The following CD36 variants were observed in gnomAD, a reference collection of about 807,000 sequenced individuals.
CD36 encodes platelet glycoprotein 4.
Under a neutral mutation model 55.2 loss-of-function variants are expected in CD36, and 119 were observed. The observed-to-expected ratio is 2.15, with a 90% CI of 1.86 to 2.51. CD36 has a LOEUF of 2.51. Ranked by LOEUF, CD36 falls within the 30% of genes most tolerant of loss-of-function variation. The pLI, the probability that CD36 is intolerant of heterozygous loss-of-function variation, is 0.00. For synonymous variants in CD36, 186 were observed against 193.6 expected, an observed-to-expected ratio of 0.96 and a Z score of 0.33; for missense variants, 819 against 555.5, an observed-to-expected ratio of 1.47 and a Z score of -4.77.
At chr7:80,638,932 G>A (rs1794619563) in intron 1 of CD36, among the ~76,000 whole-genome samples, 186 bp downstream of exon 1, 1 of 151,862 alleles carries the variant, frequency 6.6e-6, no homozygotes, top group African/African-American at 2.4e-5. Flanking sequence ...TTATTTTCAA[G>A]TTATCAACCT....
chr7:80,635,049 A>G (rs976961634), upstream of CD36, among the ~76,000 whole-genome samples: 2 of 152,166 alleles, frequency 1.3e-5, no homozygotes, highest in Non-Finnish European at 1.5e-5. Context: ...ATTGTTACAA[A>G]TGTTTTAAAA....
In CD36 at chr7:80,678,342, ATAACT is replaced by A. The variant is rs1465909053; in HGVS notation, c.*1963_*1967del. The A allele has an allele frequency of 2.0e-5, 3 of 152,182 alleles. No individual in the cohort carries two copies. The highest frequency in any genetic ancestry group is 6.5e-5 in the Admixed American group (1 of 15,268). The allele number at this position is 152,182 out of a possible 1,614,324, so 9.4% of individuals were successfully genotyped here. A position where few individuals can be genotyped will look rare whatever the true frequency, so the allele number is the denominator to read the frequency against. ...AACCACAGAATTATAGCAGGTATTC[ATAACT>A]TAAGTTTGAAAATCAATAGCGTCTG... is the stretch of plus-strand genomic sequence containing the variant. On this transcript the variant is annotated 3_prime_UTR_variant, in exon 15 of 15. Coordinates refer to ENST00000447544, the MANE Select transcript of CD36 (RefSeq NM_001001548.3).
chr7:80,625,800 T>C (rs1793708683), intron 1 of CD36, among the ~76,000 whole-genome samples: 1 of 152,164 alleles, frequency 6.6e-6, no homozygotes, highest in African/African-American at 2.4e-5. Context: ...TAAATGACTG[T>C]CTCTAAAGAA....
At chr7:80,671,545 C>A (rs889490653) in intron 10 of CD36, among the ~76,000 whole-genome samples, 6 of 151,964 alleles carry the variant, frequency 3.9e-5, no homozygotes, top group Admixed American at 2.6e-4. Context: ...TCTGTCCTAA[C>A]TTTTTTCACT....
chr7:80,670,722 C>G (rs1374406120), intron 9 of CD36: 1 of 475,312 alleles, frequency 2.1e-6, no homozygotes, highest in African/African-American at 1.9e-5. Flanking sequence ...TAAATATTTA[C>G]TCTATTGGAT....
chr7:80,667,747 G>GTTTTTTTTT lies in CD36; in HGVS notation c.748+1271_748+1279dup, dbSNP rs1165767460. 1.1e-3 allele frequency among the ~76,000 whole-genome samples: 87 copies of GTTTTTTTTT among 82,608 alleles called. 4 individuals are homozygous for GTTTTTTTTT. Among genetic ancestry groups the GTTTTTTTTT allele is most frequent in the African/African-American group, 2.5e-3 (61 of 24,104 alleles). The allele number at this position is 82,608 out of a possible 152,430, so 54.2% of individuals were successfully genotyped here. ...GTTGGATTTGCAGGGGTTTTCTTTT[G>GTTTTTTTTT]TTTTTTTTTTTTTTTTTTTTTGAGA... On this transcript the variant is annotated intron_variant, in intron 8 of 14. Transcript: ENST00000447544.
chr7:80,665,534 CACTTCTAAG>C (rs1209989874), intron 7 of CD36, among the ~76,000 whole-genome samples: 3 of 146,100 alleles, frequency 2.1e-5, no homozygotes, highest in Non-Finnish European at 4.7e-5. Flanking sequence ...GGGAAAAAAA[CACTTCTAAG>C]TATTCACTTA....
intron 8 of CD36, 87 bp from the exon 9 acceptor site, chr7:80,669,866 C>T (rs1797478983): frequency 2.2e-6 from 2 of 895,966 alleles, no homozygotes; most frequent in Non-Finnish European, 3.8e-6. Context: ...CATTACATTT[C>T]TATGGACTAC....
intron 4 of CD36, among the ~76,000 whole-genome samples, chr7:80,659,168 A>G (rs535067561): frequency 2.0e-5 from 3 of 152,304 alleles, no homozygotes; most frequent in South Asian, 4.1e-4. Context: ...TAGAAAAAAA[A>G]TTAACACTTT....
At chr7:80,665,103 G>A (rs3211912) in intron 7 of CD36, among the ~76,000 whole-genome samples, 4,083 of 151,932 alleles carry the variant, frequency 0.027, 87 homozygotes, top group African/African-American at 0.043. Flanking sequence ...AATATTTCAA[G>A]TGCAGTTCTA....
chr7:80,674,736 T>C (rs1183820881), intron 14 of CD36, among the ~76,000 whole-genome samples: 3 of 152,006 alleles, frequency 2.0e-5, no homozygotes, highest in Non-Finnish European at 4.4e-5. Context: ...AGGAAAACCT[T>C]TTTTTAGTTA....
At chr7:80,672,184 G>T in intron 11 of CD36, 144 bp downstream of exon 11, 1 of 668,786 alleles carries the variant, frequency 1.5e-6, no homozygotes, top group South Asian at 2.0e-5. Flanking sequence ...AACTTAGGTC[G>T]ATTTCTTCCT....
At chr7:80,652,052 A>T (rs1409250813) in intron 3 of CD36, among the ~76,000 whole-genome samples, 1 of 152,138 alleles carries the variant, frequency 6.6e-6, no homozygotes, top group African/African-American at 2.4e-5. Context: ...AAGCTCAAAA[A>T]TAAATGACTA....
intron 12 of CD36, 200 bp from the exon 13 acceptor site, chr7:80,673,155 C>CT (rs2116895954): frequency 2.0e-6 from 1 of 508,572 alleles, no homozygotes; most frequent in African/African-American, 2.0e-5. Flanking sequence ...AAAATCCACA[C>CT]TTGTGAAAAA....
chr7:80,660,282 T>A (rs1796418057), intron 4 of CD36, among the ~76,000 whole-genome samples: 1 of 152,176 alleles, frequency 6.6e-6, no homozygotes, highest in Non-Finnish European at 1.5e-5. Flanking sequence ...GTCAGGAGAT[T>A]AGAACTAGCA....
chr7:80,614,019 G>A (rs1166178992), intron 1 of CD36, among the ~76,000 whole-genome samples: 3 of 152,106 alleles, frequency 2.0e-5, no homozygotes, highest in Admixed American at 6.6e-5. Context: ...TATTTTGTAT[G>A]CCCGGCTTAG....
chr7:80,677,641 GTA>G lies in CD36; in HGVS notation c.*1259_*1260del. On this transcript the variant is annotated 3_prime_UTR_variant, in exon 15 of 15. Coordinates refer to ENST00000447544, the MANE Select transcript of CD36 (RefSeq NM_001001548.3). ...AGATATTAATATGTAAGATAACATT[GTA>G]GACATGTTCTTCTGATAATACAAGG... 6.6e-6 allele frequency: 1 copy of G among 152,272 alleles called. No individual in the cohort carries two copies. Among genetic ancestry groups the G allele is most frequent in the East Asian group, 1.9e-4 (1 of 5,172 alleles). 9.4% of individuals were successfully genotyped at this position (152,272 alleles called of 1,614,324 possible).
At chr7:80,632,358 C>T (rs1794127403) in intron 1 of CD36, among the ~76,000 whole-genome samples, 1 of 151,704 alleles carries the variant, frequency 6.6e-6, no homozygotes, top group African/African-American at 2.4e-5. Flanking sequence ...AACTTCACCC[C>T]ACAAGCTTTA....
chr7:80,673,395 CTTTGGCTTAATGAGGTTTGTA>C lies in CD36; in HGVS notation c.1245_1254+11del, dbSNP rs1797922353. On this transcript the variant is annotated splice_donor_variant and splice_donor_5th_base_variant and coding_sequence_variant and intron_variant, in exon 13 of 15. Transcript: ENST00000447544. LOFTEE classifies it high-confidence loss of function. Reference sequence around the variant, plus strand: ...GAAGAGGAACTATATTGTGCCTATTCTTTGGCTTAATGAGGTTTGTATTTGCAGCTGTTAGTCATTAAAAAC... The same window carrying C: ...GAAGAGGAACTATATTGTGCCTATTCTTTGCAGCTGTTAGTCATTAAAAAC... 2 of 1,569,072 alleles carry C rather than the reference CTTTGGCTTAATGAGGTTTGTA, an allele frequency of 1.3e-6. No homozygotes were observed. The highest frequency in any genetic ancestry group is 2.2e-5 in the South Asian group (2 of 90,058).
Sources: allele counts gnomAD v4.1 joint callset (sites outside exome capture counted in the v4.1 genomes callset), GRCh38; gene constraint gnomAD v4.1.1; transcripts MANE v1.5; gene names NCBI Gene and HGNC (gene_info 2026-07-23, HGNC 2026-07-21).